The following PIK3C2G variants were observed in gnomAD, a reference collection of about 807,000 sequenced individuals.
PIK3C2G encodes the protein phosphatidylinositol-4-phosphate 3-kinase catalytic subunit type 2 gamma.
PIK3C2G carries 168 observed loss-of-function variants against 181.1 expected under a neutral mutation model. The observed-to-expected ratio is 0.93, with a 90% CI of 0.82 to 1.05. PIK3C2G has a LOEUF of 1.05. PIK3C2G is among the 50% of genes least tolerant of loss of function. The pLI is 0.00. For missense variants in PIK3C2G, 1,869 were observed against 1,732.8 expected (o/e 1.08, Z -1.40); for synonymous variants, 573 against 592.2 (o/e 0.97, Z 0.47).
Position 18,546,409 on chromosome 12 carries a change from G to C in PIK3C2G, c.3567G>C (p.Leu1189=). 1 of 1,593,062 alleles carries C rather than the reference G, an allele frequency of 6.3e-7. No individual in the cohort carries two copies. The highest frequency in any genetic ancestry group is 8.6e-7 in the Non-Finnish European group (1 of 1,166,488). The change falls in exon 26 of 33, where the codon CTG becomes CTC. Residue 1189 remains leucine, a synonymous_variant. Transcript: ENST00000538779. The part of the protein sequence containing the change: ...YNNLRPQDTD[L]EATSHFTKKI... ...ATCTTCGTCCACAAGACACAGACCT[G>C]GAAGCAACAAGTCATTTTACCAAGT...
At chr12:18,258,596 C>T (rs934905169), upstream of PIK3C2G, among the ~76,000 whole-genome samples, 5 of 150,296 alleles carry the variant, frequency 3.3e-5, no homozygotes, top group Admixed American at 6.7e-5. Flanking sequence ...TCCATGTTGG[C>T]GCAAATGTCA....
At chr12:18,683,560 C>A in the PIK3C2G span, 1 of 1,483,344 alleles carries the variant, frequency 6.7e-7, no homozygotes, top group African/African-American at 1.4e-5. Flanking sequence ...TTCCGCAAAG[C>A]GCTGCATGAT....
intron 2 of PIK3C2G, among the ~76,000 whole-genome samples, chr12:18,285,717 A>G (rs1227838851): frequency 1.3e-5 from 2 of 151,976 alleles, no homozygotes; most frequent in African/African-American, 2.4e-5. Context: ...AGAAAAATAG[A>G]AGAAAATCTA....
At chr12:18,294,747 A>G (rs1215761348) in intron 5 of PIK3C2G, among the ~76,000 whole-genome samples, 2 of 152,044 alleles carry the variant, frequency 1.3e-5, no homozygotes, top group Admixed American at 6.6e-5. Context: ...TAAACAGTAA[A>G]GTATTAAAGA....
intron 28 of PIK3C2G, among the ~76,000 whole-genome samples, chr12:18,563,887 A>G (rs1945476748): frequency 6.6e-6 from 1 of 151,066 alleles, no homozygotes; most frequent in African/African-American, 2.4e-5. Flanking sequence ...TTTTCAACAA[A>G]TAACTGTAAT....
At chr12:18,644,742 C>T (rs11044233) in intron 32 of PIK3C2G, among the ~76,000 whole-genome samples, 21,907 of 152,128 alleles carry the variant, frequency 0.14, 2,012 homozygotes, top group East Asian at 0.41. Flanking sequence ...GATTCCAAAG[C>T]TCATGGTTAC....
the PIK3C2G span, chr12:18,719,344 A>G: frequency 5.7e-6 from 4 of 703,230 alleles, no homozygotes; most frequent in Non-Finnish European, 8.5e-6. Context: ...TCTTCTTTTT[A>G]TTGTGCACTC....
At chr12:18,315,892 C>CGTGT (rs59803351) in intron 6 of PIK3C2G, among the ~76,000 whole-genome samples, 7,128 of 147,494 alleles carry the variant, frequency 0.048, 300 homozygotes, top group African/African-American at 0.12. Flanking sequence ...CATGCATCCA[C>CGTGT]GTGTGTGTGT....
chr12:18,530,296 G>A (rs1489026240), intron 24 of PIK3C2G, among the ~76,000 whole-genome samples: 1 of 152,114 alleles, frequency 6.6e-6, no homozygotes, highest in East Asian at 1.9e-4. Context: ...CCTTCCATCT[G>A]TGCTTTGAAG....
intron 18 of PIK3C2G, among the ~76,000 whole-genome samples, chr12:18,483,760 A>C (rs1427981977): frequency 6.6e-6 from 1 of 152,184 alleles, no homozygotes; most frequent in Non-Finnish European, 1.5e-5. Flanking sequence ...AAAGAAAAAC[A>C]AAGAAAGTTG....
chr12:18,623,634 T>C (rs1328234037), intron 31 of PIK3C2G, among the ~76,000 whole-genome samples: 3 of 151,756 alleles, frequency 2.0e-5, no homozygotes, highest in Non-Finnish European at 3.0e-5. Context: ...TTAGGAAATA[T>C]GGACATTTTA....
chr12:18,370,623 C>A (rs746197761), intron 12 of PIK3C2G, among the ~76,000 whole-genome samples: 3 of 152,072 alleles, frequency 2.0e-5, no homozygotes, highest in Non-Finnish European at 4.4e-5. Context: ...TTCTGGCAAC[C>A]ACCTATCTTT....
intron 31 of PIK3C2G, among the ~76,000 whole-genome samples, chr12:18,615,422 G>T (rs939220945): frequency 2.0e-5 from 3 of 149,824 alleles, no homozygotes; most frequent in Non-Finnish European, 4.4e-5. Context: ...ACACCTAAAT[G>T]TGGTATATAT....
chr12:18,364,869 C>T (rs750746286), intron 12 of PIK3C2G, among the ~76,000 whole-genome samples: 107 of 151,560 alleles, frequency 7.1e-4, no homozygotes, highest in South Asian at 1.7e-3. Context: ...CCTTGGGCTA[C>T]GGAGCAAGTC....
At chr12:18,288,094 G>A (rs1949532848) in intron 3 of PIK3C2G, among the ~76,000 whole-genome samples, 1 of 152,058 alleles carries the variant, frequency 6.6e-6, no homozygotes, top group Non-Finnish European at 1.5e-5. Flanking sequence ...CCTGGGAGGT[G>A]GAGATTGCAG....
rs536957215 is a variant in PIK3C2G at position 18,303,965 on chromosome 12, A to G, written c.1034+9950A>G. 1.6e-3 allele frequency among the ~76,000 whole-genome samples: 236 copies of G among 152,094 alleles called. 1 individual carries two copies. The highest frequency in any genetic ancestry group is 5.4e-3 in the African/African-American group (223 of 41,538). ...TTCTTAAAAAAAAAAGAAATTCTACAGTAATTAAAAATTTTACTTGGAAGT... is the reference window on the plus strand; with the variant it reads ...TTCTTAAAAAAAAAAGAAATTCTACGGTAATTAAAAATTTTACTTGGAAGT... On this transcript the variant is annotated intron_variant, in intron 5 of 32. Coordinates refer to ENST00000538779, the MANE Select transcript of PIK3C2G (RefSeq NM_001288772.2).
At chr12:18,257,720 T>A (rs1160774899), upstream of PIK3C2G, among the ~76,000 whole-genome samples, 321 of 134,632 alleles carry the variant, frequency 2.4e-3, no homozygotes, top group Non-Finnish European at 3.1e-3. Flanking sequence ...GACAGGAAGG[T>A]GGAAGGAAGG....
At chr12:18,559,954 C>T (rs1945262704) in intron 26 of PIK3C2G, among the ~76,000 whole-genome samples, 2 of 150,416 alleles carry the variant, frequency 1.3e-5, no homozygotes, top group South Asian at 2.1e-4. Context: ...AGCAATTCTC[C>T]TGCCTCAGCC....
chr12:18,684,827 G>T, the PIK3C2G span, among the ~76,000 whole-genome samples: 3 of 151,972 alleles, frequency 2.0e-5, no homozygotes, highest in African/African-American at 7.2e-5. Flanking sequence ...AAGACACCTG[G>T]TAGAAAGTGA....
Sources: allele counts gnomAD v4.1 joint callset (sites outside exome capture counted in the v4.1 genomes callset), GRCh38; gene constraint gnomAD v4.1.1; transcripts MANE v1.5; gene names NCBI Gene and HGNC (gene_info 2026-07-23, HGNC 2026-07-21).